The following MAP1LC3B variants were observed in gnomAD, a reference collection of about 807,000 sequenced individuals.
MAP1LC3B encodes the protein microtubule-associated protein 1 light chain 3 beta.
Under a neutral mutation model 16.7 loss-of-function variants are expected in MAP1LC3B, and 12 were observed. That is an observed-to-expected ratio of 0.72 (90% CI 0.46 to 1.16). MAP1LC3B has a LOEUF of 1.16. MAP1LC3B is among the 50% of genes most tolerant of loss of function. The pLI is 0.00. For synonymous variants in MAP1LC3B, 63 were observed against 56.5 expected (o/e 1.11, Z -0.51); for missense variants, 155 against 159.5 (o/e 0.97, Z 0.15).
At chr16:87,402,705 A>G (rs1454756084) in intron 3 of MAP1LC3B, 12 of 619,728 alleles carry the variant, frequency 1.9e-5, no homozygotes, top group African/African-American at 3.7e-5. Flanking sequence ...TTCAGACAGT[A>G]TACTAGTTTA....
chr16:87,403,213 G>A lies in MAP1LC3B; in HGVS notation c.*116G>A. ...CAATCACAGATCATGAAACAGTAGT[G>A]TTCCCACCTAGGAGTGTTAGGAAGT... On this transcript the variant is annotated 3_prime_UTR_variant, in exon 4 of 4. Coordinates refer to ENST00000268607, the MANE Select transcript of MAP1LC3B (RefSeq NM_022818.5). 7.6e-7 allele frequency: 1 copy of A among 1,321,182 alleles called. No homozygotes were observed. The highest frequency in any genetic ancestry group is 1.0e-6 in the Non-Finnish European group (1 of 964,472). The allele number at this position is 1,321,182 out of a possible 1,614,324, so 81.8% of individuals were successfully genotyped here.
rs1950390612 is a variant in MAP1LC3B, at chr16:87,398,787, A to T, written c.41-28A>T. Reference sequence around the variant, plus strand: ...GGAAGAAGCTGCCTGGCCCTTAGTAATGCTTCTGTCTCTTCATTTCATTGC... The same window carrying T: ...GGAAGAAGCTGCCTGGCCCTTAGTATTGCTTCTGTCTCTTCATTTCATTGC... On this transcript the variant is annotated intron_variant, in intron 1 of 3. Transcript: ENST00000268607. The T allele has an allele frequency of 1.9e-6, 3 of 1,611,790 alleles. No homozygotes were observed. In the Admixed American group the frequency reaches 5.0e-5, roughly 27 times the overall value.
rs1907890397 is a variant in MAP1LC3B at position 87,398,812 on chromosome 16, C to T, written c.41-3C>T. 2 of 1,614,002 alleles carry T rather than the reference C, an allele frequency of 1.2e-6. No homozygotes were observed. The highest frequency in any genetic ancestry group is 1.1e-5 in the South Asian group (1 of 91,080). ...ATGCTTCTGTCTCTTCATTTCATTG[C>T]AGAACAAAGAGTAGAAGATGTCCGA... On this transcript the variant is annotated splice_polypyrimidine_tract_variant and splice_region_variant and intron_variant, in intron 1 of 3. Coordinates refer to ENST00000268607, the MANE Select transcript of MAP1LC3B (RefSeq NM_022818.5).
intron 1 of MAP1LC3B, among the ~76,000 whole-genome samples, chr16:87,395,056 G>C (rs1907750429): frequency 6.6e-6 from 1 of 152,168 alleles, no homozygotes; most frequent in Non-Finnish European, 1.5e-5. Context: ...GGGGGAGGGG[G>C]AGTGCTTCAG....
At chr16:87,400,147 T>C in intron 2 of MAP1LC3B, 1 of 137,058 alleles carries the variant, frequency 7.3e-6, no homozygotes, top group Admixed American at 7.2e-5. Flanking sequence ...TGTGTGTGTG[T>C]GTGTGTGTGT....
rs1324629721 is a variant in MAP1LC3B at position 87,404,744 on chromosome 16, A to G, written c.*1647A>G. On this transcript the variant is annotated 3_prime_UTR_variant, in exon 4 of 4. Coordinates refer to ENST00000268607, the MANE Select transcript of MAP1LC3B (RefSeq NM_022818.5). ...TCTTTAAAACATTTTTAATGAACTAAGTTGAATAAAGGCACAATTAAAAAC... is the reference window on the plus strand; with the variant it reads ...TCTTTAAAACATTTTTAATGAACTAGGTTGAATAAAGGCACAATTAAAAAC... 2 of 152,220 alleles carry G rather than the reference A, an allele frequency of 1.3e-5. No individual in the cohort carries two copies. The highest frequency in any genetic ancestry group is 6.5e-5 in the Admixed American group (1 of 15,276). The allele number at this position is 152,220 out of a possible 1,614,324, so 9.4% of individuals were successfully genotyped here.
Position 87,398,851 on chromosome 16 carries a change from A to T in MAP1LC3B, c.77A>T (p.Gln26Leu). Residue 26 changes from glutamine (Q) to leucine (L), a missense_variant, in exon 2 of 4, where the codon CAG (glutamine) becomes CTG (leucine). Physicochemically the swap from Gln to Leu is moderately radical, Grantham distance 113. Transcript: ENST00000268607. ...RVEDVRLIRE[Q>L]HPTKIPVIIE... ...GAAGATGTCCGACTTATTCGAGAGC[A>T]GCATCCAACCAAAATCCCGGTAGGT... 6.2e-7 allele frequency: 1 copy of T among 1,614,206 alleles called. No homozygotes were observed. Among genetic ancestry groups the T allele is most frequent in the Non-Finnish European group, 8.5e-7 (1 of 1,179,998 alleles).
intron 1 of MAP1LC3B, chr16:87,396,561 C>G (rs1222403356): frequency 1.3e-5 from 2 of 151,956 alleles, no homozygotes. Context: ...TGAAACATTC[C>G]AGGATATATG....
At chr16:87,401,402 T>A (rs953705950) in intron 2 of MAP1LC3B, among the ~76,000 whole-genome samples, 1 of 152,216 alleles carries the variant, frequency 6.6e-6, no homozygotes, top group Non-Finnish European at 1.5e-5. Flanking sequence ...GGGGTAGATG[T>A]CTAAGCTAGC....
chr16:87,396,525 G>C (rs557298098), intron 1 of MAP1LC3B, among the ~76,000 whole-genome samples: 2 of 151,950 alleles, frequency 1.3e-5, no homozygotes, highest in African/African-American at 2.4e-5. Context: ...TCTACTTTTA[G>C]ATTTATTAGG....
intron 3 of MAP1LC3B, 162 bp downstream of exon 3, chr16:87,402,443 A>G: frequency 4.3e-6 from 3 of 701,704 alleles, no homozygotes; most frequent in Non-Finnish European, 6.9e-6. Context: ...TTCAACTTAA[A>G]CTATAAAATG....
chr16:87,400,681 A>G (rs1907960550), intron 2 of MAP1LC3B, among the ~76,000 whole-genome samples: 3 of 151,098 alleles, frequency 2.0e-5, no homozygotes, highest in Non-Finnish European at 2.9e-5. Context: ...GAACTTACAC[A>G]TTTATTAAAA....
chr16:87,398,819 A>G lies in MAP1LC3B; in HGVS notation c.45A>G (p.Gln15=), dbSNP rs895974198. The G allele has an allele frequency of 6.2e-7, 1 of 1,614,152 alleles. No homozygotes were observed. Among genetic ancestry groups the G allele is most frequent in the Non-Finnish European group, 8.5e-7 (1 of 1,179,970 alleles). The change falls in exon 2 of 4, where the codon CAA becomes CAG. Residue 15 remains glutamine, a synonymous_variant. Coordinates refer to ENST00000268607, the MANE Select transcript of MAP1LC3B (RefSeq NM_022818.5). ...TGTCTCTTCATTTCATTGCAGAACAAAGAGTAGAAGATGTCCGACTTATTC... is the reference window on the plus strand; with the variant it reads ...TGTCTCTTCATTTCATTGCAGAACAGAGAGTAGAAGATGTCCGACTTATTC... ...KTFKQRRTFE[Q]RVEDVRLIRE... is the part of the protein sequence containing the mutation.
At chr16:87,399,492 G>GT in intron 2 of MAP1LC3B, 1 of 396,632 alleles carries the variant, frequency 2.5e-6, no homozygotes, top group Non-Finnish European at 5.0e-6. Flanking sequence ...AGAACCCTAT[G>GT]TAGGTCTCAC....
intron 1 of MAP1LC3B, among the ~76,000 whole-genome samples, chr16:87,395,539 C>T (rs1176348408): frequency 1.3e-5 from 2 of 152,216 alleles, no homozygotes; most frequent in African/African-American, 4.8e-5. Flanking sequence ...CTGTTAGCCT[C>T]TAAAACAGCT....
intron 2 of MAP1LC3B, among the ~76,000 whole-genome samples, chr16:87,401,028 G>C (rs1353155724): frequency 6.6e-6 from 1 of 151,224 alleles, no homozygotes; most frequent in Non-Finnish European, 1.5e-5. Flanking sequence ...AGCTACTCAG[G>C]AGGCTGAGGC....
chr16:87,402,971 C>G lies in MAP1LC3B; in HGVS notation c.252C>G (p.Asn84Lys). Residue 84 changes from asparagine (N) to lysine (K), a missense_variant, in exon 4 of 4, where the codon AAC becomes AAG. Coordinates refer to ENST00000268607, the MANE Select transcript of MAP1LC3B (RefSeq NM_022818.5). ...ATCAGGCCTTCTTCCTGTTGGTGAA[C>G]GGACACAGCATGGTCAGCGTCTCCA... ...NANQAFFLLV[N>K]GHSMVSVSTP... The G allele has an allele frequency of 1.2e-6, 2 of 1,613,954 alleles. No homozygotes were observed. The highest frequency in any genetic ancestry group is 1.7e-6 in the Non-Finnish European group (2 of 1,179,894).
rs1353661178 is a variant in MAP1LC3B, at chr16:87,404,658, A to G, written c.*1561A>G. 1 of 152,234 alleles carries G rather than the reference A, an allele frequency of 6.6e-6. No homozygotes were observed. Among genetic ancestry groups the G allele is most frequent in the Non-Finnish European group, 1.5e-5 (1 of 68,040 alleles). 9.4% of individuals were successfully genotyped at this position (152,234 alleles called of 1,614,324 possible). ...TGTAAGAAATACTGCTTTTTAAGAAAAAAAATAACATGCTGAGGGGTGACC... is the reference window on the plus strand; with the variant it reads ...TGTAAGAAATACTGCTTTTTAAGAAGAAAAATAACATGCTGAGGGGTGACC... On this transcript the variant is annotated 3_prime_UTR_variant, in exon 4 of 4. Transcript: ENST00000268607.
chr16:87,392,390 C>T lies in MAP1LC3B; in HGVS notation c.-38C>T, dbSNP rs376117401. On this transcript the variant is annotated 5_prime_UTR_variant, in exon 1 of 4. Coordinates refer to ENST00000268607, the MANE Select transcript of MAP1LC3B (RefSeq NM_022818.5). ...CGCCCCCGGGAGCCGCCGGGACCCT[C>T]GCGTCGTCGCCGCCGCCGCCGCCCA... is the stretch of plus-strand genomic sequence containing the variant. 2.8e-6 allele frequency: 4 copies of T among 1,412,818 alleles called. No homozygotes were observed. The highest frequency in any genetic ancestry group is 3.1e-5 in the East Asian group (1 of 32,280). 87.5% of individuals were successfully genotyped at this position (1,412,818 alleles called of 1,614,324 possible).
Sources: allele counts gnomAD v4.1 joint callset (sites outside exome capture counted in the v4.1 genomes callset), GRCh38; gene constraint gnomAD v4.1.1; transcripts MANE v1.5; gene names NCBI Gene and HGNC (gene_info 2026-07-23, HGNC 2026-07-21).